The following SKA1 variants were observed in gnomAD, a reference collection of about 807,000 sequenced individuals.
SKA1 encodes the protein SKA complex subunit 1.
A neutral mutation model predicts 31.8 loss-of-function variants in SKA1; 20 were observed. The observed-to-expected ratio is 0.63, with a 90% CI of 0.44 to 0.91. SKA1 has a LOEUF of 0.91. Ranked by LOEUF, SKA1 falls within the 40% of genes least tolerant of loss-of-function variation. The probability of loss-of-function intolerance (pLI) is 0.00; values close to 1 mark genes in which losing one functional copy is unlikely to be tolerated. For synonymous variants in SKA1, 88 were observed against 100.5 expected, an observed-to-expected ratio of 0.88 and a Z score of 0.74; for missense variants, 253 against 298.2, an observed-to-expected ratio of 0.85 and a Z score of 1.12.
intron 5 of SKA1, among the ~76,000 whole-genome samples, chr18:50,387,998 C>T (rs571555267): frequency 1.3e-5 from 2 of 152,250 alleles, no homozygotes; most frequent in Admixed American, 6.5e-5. Context: ...TATGTTGATA[C>T]GTCTAGGAGC....
intron 4 of SKA1, among the ~76,000 whole-genome samples, chr18:50,384,875 AAAAAAAAAAAAAAAAGG>A (rs1396193155): frequency 6.2e-5 from 8 of 129,734 alleles, no homozygotes; most frequent in African/African-American, 2.7e-4. Flanking sequence ...AAAAATTAAA[AAAAAAAAAAAAAAAAGG>A]AAAAAAAAAA....
intron 2 of SKA1, among the ~76,000 whole-genome samples, chr18:50,376,918 C>G (rs776776092): frequency 5.3e-5 from 8 of 151,922 alleles, no homozygotes; most frequent in Non-Finnish European, 1.2e-4. Context: ...CTGTCTTCCA[C>G]ATTCACATCT....
At chr18:50,384,872 A>AAAAAAAAAAAAAAAAAAAT (rs2041293255) in intron 4 of SKA1, among the ~76,000 whole-genome samples, 1 of 68,788 alleles carries the variant, frequency 1.5e-5, no homozygotes, top group Non-Finnish European at 2.6e-5. Flanking sequence ...AAAAAAAATT[A>AAAAAAAAAAAAAAAAAAAT]AAAAAAAAAA....
Position 50,392,129 on chromosome 18 carries a change from A to G in SKA1, c.650A>G (p.Lys217Arg), listed in dbSNP as rs756747981. The G allele has an allele frequency of 6.9e-6, 11 of 1,602,504 alleles. No individual in the cohort carries two copies. The South Asian group carries it at 1.2e-4, about 18-fold the overall frequency. Residue 217 changes from lysine (K) to arginine (R), a missense_variant, in exon 7 of 7, where the codon AAG becomes AGG. Coordinates refer to ENST00000285116, the MANE Select transcript of SKA1 (RefSeq NM_145060.4). ...TATTTTATAGTGGAAGCTGACATAA[A>G]GGAGTTCACAACTTTGAAAGCTGAC... The part of the protein sequence containing the change: ...GRYFIVEADI[K>R]EFTTLKADKK...
intron 5 of SKA1, among the ~76,000 whole-genome samples, chr18:50,386,889 C>T (rs2041312895): frequency 6.6e-6 from 1 of 152,116 alleles, no homozygotes; most frequent in Non-Finnish European, 1.5e-5. Context: ...AAATAGTACT[C>T]CATTGTATGG....
chr18:50,382,234 T>A lies in SKA1; in HGVS notation c.311+8T>A. 7.0e-7 allele frequency: 1 copy of A among 1,421,086 alleles called. No homozygotes were observed. The highest frequency in any genetic ancestry group is 9.4e-7 in the Non-Finnish European group (1 of 1,063,908). 88.0% of individuals were successfully genotyped at this position (1,421,086 alleles called of 1,614,324 possible). A position where few individuals can be genotyped will look rare whatever the true frequency, so the allele number is the denominator to read the frequency against. ...AACAGTAACCCAGAGCTGGTAAGTGTATTTATAATTATTCTTGCTATCTGG... is the reference window on the plus strand; with the variant it reads ...AACAGTAACCCAGAGCTGGTAAGTGAATTTATAATTATTCTTGCTATCTGG... On this transcript the variant is annotated splice_region_variant and intron_variant, in intron 4 of 6. Coordinates refer to ENST00000285116, the MANE Select transcript of SKA1 (RefSeq NM_145060.4).
chr18:50,390,416 A>G (rs2041347256), intron 5 of SKA1, among the ~76,000 whole-genome samples: 1 of 152,184 alleles, frequency 6.6e-6, no homozygotes, highest in African/African-American at 2.4e-5. Context: ...CAAAATTGAG[A>G]GTCTCCTGTT....
intron 6 of SKA1, among the ~76,000 whole-genome samples, chr18:50,391,567 A>G (rs1662133425): frequency 6.6e-6 from 1 of 152,186 alleles, no homozygotes; most frequent in Admixed American, 6.5e-5. Context: ...TCTGGCTCAC[A>G]GTGTCTGTAG....
chr18:50,389,920 G>T (rs1048056718), intron 5 of SKA1, among the ~76,000 whole-genome samples: 9 of 152,098 alleles, frequency 5.9e-5, no homozygotes, highest in Admixed American at 2.0e-4. Flanking sequence ...TCAACTAGGG[G>T]TTATTTAATG....
rs565205209 is a variant in SKA1, at chr18:50,379,722, C to A, written c.89-404C>A. Among the ~76,000 whole-genome samples, 20 of 152,316 alleles carry A rather than the reference C, an allele frequency of 1.3e-4. No homozygotes were observed. The South Asian group carries it at 3.1e-3, about 24-fold the overall frequency. On this transcript the variant is annotated intron_variant, in intron 2 of 6. Transcript: ENST00000285116. Reference sequence around the variant, plus strand: ...CACACTCCTCAGATTAGGGCTGCTGCAGCCTCAGCTCACACACCCTGCCTG... The same window carrying A: ...CACACTCCTCAGATTAGGGCTGCTGAAGCCTCAGCTCACACACCCTGCCTG...
In SKA1 at chr18:50,389,375, CTTTTTTT is replaced by C. The variant is rs756288352; in HGVS notation, c.450-1730_450-1724del. Among the ~76,000 whole-genome samples the C allele has an allele frequency of 4.5e-4, 39 of 86,140 alleles. No homozygotes were observed. In the South Asian group the frequency reaches 5.6e-3, roughly 12 times the overall value. 56.5% of individuals were successfully genotyped at this position (86,140 alleles called of 152,430 possible). A position where few individuals can be genotyped will look rare whatever the true frequency, so the allele number is the denominator to read the frequency against. On this transcript the variant is annotated intron_variant, in intron 5 of 6. Coordinates refer to ENST00000285116, the MANE Select transcript of SKA1 (RefSeq NM_145060.4). Reference sequence around the variant, plus strand: ...TCATTTTGTCATTTCCTTTACCTTTCTTTTTTTTTTTTTTTTTTTTTTTTTACTTTTT... The same window carrying C: ...TCATTTTGTCATTTCCTTTACCTTTCTTTTTTTTTTTTTTTTTTACTTTTT...
intron 2 of SKA1, among the ~76,000 whole-genome samples, chr18:50,376,853 TAC>T (rs34658755): frequency 0.72 from 108,683 of 150,570 alleles, 39,343 homozygotes; most frequent in East Asian, 0.81. Context: ...CAAAAACGAA[TAC>T]ACACACACAC....
At position 50,392,304 on chromosome 18, in the gene SKA1, A is replaced by G. The variant is rs867418333; in HGVS notation, c.*57A>G. The G allele has an allele frequency of 4.1e-5, 46 of 1,117,242 alleles. 1 individual carries two copies. The Middle Eastern group carries it at 3.8e-3, about 92-fold the overall frequency. The allele number at this position is 1,117,242 out of a possible 1,614,324, so 69.2% of individuals were successfully genotyped here. ...GGTATAGAGTATAGAGGCTATTTCTATAATTTTCTTATATATAATTTTTTT... is the reference window on the plus strand; with the variant it reads ...GGTATAGAGTATAGAGGCTATTTCTGTAATTTTCTTATATATAATTTTTTT... On this transcript the variant is annotated 3_prime_UTR_variant, in exon 7 of 7. Coordinates refer to ENST00000285116, the MANE Select transcript of SKA1 (RefSeq NM_145060.4).
At chr18:50,385,125 C>T (rs1023248535) in intron 4 of SKA1, 91 bp from the exon 5 acceptor site, 3 of 1,018,608 alleles carry the variant, frequency 2.9e-6, no homozygotes, top group South Asian at 3.9e-5. Flanking sequence ...GGATGAGTTA[C>T]GTATTTAATA....
chr18:50,385,853 A>G (rs2041303453), intron 5 of SKA1, among the ~76,000 whole-genome samples: 1 of 152,218 alleles, frequency 6.6e-6, no homozygotes, highest in South Asian at 2.1e-4. Flanking sequence ...TATGGCAATA[A>G]TGGGGAACCA....
At position 50,392,343 on chromosome 18, in the gene SKA1, TTTTG is replaced by T; in HGVS notation, c.*100_*103del. The stretch of plus-strand genomic sequence containing the variant: ...TATAATTTTTTTAACTTTTAATCTT[TTTTG>T]TTTCCTTTTTTTTTTTTTTGAGACA... On this transcript the variant is annotated 3_prime_UTR_variant, in exon 7 of 7. Coordinates refer to ENST00000285116, the MANE Select transcript of SKA1 (RefSeq NM_145060.4). The T allele has an allele frequency of 1.2e-6, 1 of 831,948 alleles. No individual in the cohort carries two copies. The highest frequency in any genetic ancestry group is 1.6e-6 in the Non-Finnish European group (1 of 617,918). 51.5% of individuals were successfully genotyped at this position (831,948 alleles called of 1,614,324 possible).
intron 3 of SKA1, among the ~76,000 whole-genome samples, chr18:50,381,563 C>T (rs903609835): frequency 1.3e-5 from 2 of 152,000 alleles, no homozygotes; most frequent in African/African-American, 4.8e-5. Context: ...TTTAGTCCTG[C>T]TTTGTAATTG....
intron 4 of SKA1, among the ~76,000 whole-genome samples, chr18:50,384,219 T>A (rs2041284194): frequency 6.6e-6 from 1 of 152,268 alleles, no homozygotes; most frequent in Non-Finnish European, 1.5e-5. Flanking sequence ...GGTATAGCTT[T>A]CCAGATTTTA....
At chr18:50,382,050 G>C (rs1244296545) in intron 3 of SKA1, 79 bp from the exon 4 acceptor site, 4 of 888,162 alleles carry the variant, frequency 4.5e-6, no homozygotes, top group Non-Finnish European at 6.9e-6. Flanking sequence ...ATGGTTCACT[G>C]TTTTCCCTGC....
Sources: gnomAD v4.1 joint callset for allele counts (sites outside exome capture counted in the v4.1 genomes callset) on GRCh38, gnomAD v4.1.1 for gene constraint, MANE v1.5 for transcripts, NCBI Gene and HGNC (gene_info 2026-07-23, HGNC 2026-07-21) for gene names.